TRAPPC10: variants seen among roughly 807,000 people sequenced by gnomAD.
TRAPPC10 encodes TRAPP 130 kDa subunit.
TRAPPC10 carries 23 observed loss-of-function variants against 125.5 expected under a neutral mutation model. The ratio of observed to expected loss-of-function variants is 0.18; its 90% confidence interval spans 0.13 to 0.26. TRAPPC10 has a LOEUF of 0.26. Ranked by LOEUF, TRAPPC10 falls within the 10% of genes least tolerant of loss-of-function variation. The pLI is 1.00. For missense variants in TRAPPC10, 1,123 were observed against 1,308.4 expected, an observed-to-expected ratio of 0.86 and a Z score of 2.19; for synonymous variants, 509 against 518.0, an observed-to-expected ratio of 0.98 and a Z score of 0.24.
intron 15 of TRAPPC10, among the ~76,000 whole-genome samples, chr21:44,085,526 T>TA (rs1569214462): frequency 6.6e-6 from 1 of 151,594 alleles, no homozygotes; most frequent in African/African-American, 2.4e-5. Context: ...CTCTGCAAAA[T>TA]AAAAAAATGA....
intron 20 of TRAPPC10, among the ~76,000 whole-genome samples, chr21:44,095,946 T>A (rs2038904438): frequency 7.4e-6 from 1 of 135,100 alleles, no homozygotes; most frequent in Non-Finnish European, 1.6e-5. Context: ...GGTCATAGGG[T>A]AACTCTGTGG....
intron 1 of TRAPPC10, among the ~76,000 whole-genome samples, chr21:44,022,415 C>G (rs2032617301): frequency 6.8e-6 from 1 of 146,912 alleles, no homozygotes; most frequent in Non-Finnish European, 1.5e-5. Flanking sequence ...TCCCGAGTAG[C>G]TGGGATTACA....
chr21:44,061,223 G>A (rs1031582349), intron 6 of TRAPPC10, among the ~76,000 whole-genome samples: 2 of 152,066 alleles, frequency 1.3e-5, no homozygotes, highest in Non-Finnish European at 2.9e-5. Context: ...TGCAACCTCC[G>A]CCTCCCGGGT....
At chr21:44,038,085 G>A (rs1349554030) in intron 3 of TRAPPC10, among the ~76,000 whole-genome samples, 158 bp downstream of exon 3, 1 of 152,092 alleles carries the variant, frequency 6.6e-6, no homozygotes, top group African/African-American at 2.4e-5. Context: ...AAGAGGACGC[G>A]CGGTGGGATG....
chr21:44,017,042 A>G (rs975332571), intron 1 of TRAPPC10, among the ~76,000 whole-genome samples: 2 of 152,234 alleles, frequency 1.3e-5, no homozygotes, highest in Admixed American at 6.5e-5. Context: ...TAGTTTTACT[A>G]CCAGAAAAGT....
chr21:44,081,017 CTTTTTTTTT>C (rs67865929), intron 13 of TRAPPC10, among the ~76,000 whole-genome samples: 6 of 97,196 alleles, frequency 6.2e-5, no homozygotes, highest in Admixed American at 1.1e-4. Context: ...TTTTTTTTTT[CTTTTTTTTT>C]TTTTTTTTTT....
At chr21:44,055,677 A>G in intron 4 of TRAPPC10, 21 bp from the exon 5 acceptor site, 2 of 1,565,942 alleles carry the variant, frequency 1.3e-6, no homozygotes, top group South Asian at 1.2e-5. Context: ...TTTCCCAGAT[A>G]GTCTGTTCAT....
intron 1 of TRAPPC10, among the ~76,000 whole-genome samples, chr21:44,013,657 C>T (rs568966375): frequency 6.6e-6 from 1 of 152,310 alleles, no homozygotes; most frequent in African/African-American, 2.4e-5. Flanking sequence ...TTTGTTGCTT[C>T]AGCTTTAGGT....
intron 1 of TRAPPC10, among the ~76,000 whole-genome samples, chr21:44,021,367 C>T (rs1256394857): frequency 6.6e-6 from 1 of 151,706 alleles, no homozygotes; most frequent in Non-Finnish European, 1.5e-5. Context: ...AGACAATAGA[C>T]AAATAATGTT....
intron 5 of TRAPPC10, among the ~76,000 whole-genome samples, chr21:44,057,219 G>A (rs6518345): frequency 0.41 from 62,789 of 151,880 alleles, 15,555 homozygotes; most frequent in African/African-American, 0.7. Flanking sequence ...TTCCGTTTGG[G>A]AAGATGAGAA....
chr21:44,051,809 G>A (rs2035250949), intron 3 of TRAPPC10, among the ~76,000 whole-genome samples: 1 of 152,242 alleles, frequency 6.6e-6, no homozygotes, highest in Non-Finnish European at 1.5e-5. Flanking sequence ...CTGCCGGGAA[G>A]CTTGCCTGGG....
intron 1 of TRAPPC10, among the ~76,000 whole-genome samples, chr21:44,025,409 T>C (rs2032946195): frequency 1.3e-5 from 2 of 152,256 alleles, no homozygotes; most frequent in South Asian, 4.1e-4. Context: ...GTACTGTGGT[T>C]CAAACTGCTA....
At chr21:44,073,040 C>T (rs1007585705) in intron 7 of TRAPPC10, among the ~76,000 whole-genome samples, 1 of 152,332 alleles carries the variant, frequency 6.6e-6, no homozygotes, top group Admixed American at 6.5e-5. Flanking sequence ...TGTGCCTTCC[C>T]TCAGTGTGGT....
intron 17 of TRAPPC10, 131 bp from the exon 18 acceptor site, chr21:44,089,702 A>G: frequency 1.4e-6 from 1 of 690,482 alleles, no homozygotes; most frequent in South Asian, 1.5e-5. Context: ...TTCCTGGATA[A>G]TGAGTGGTTG....
Position 44,080,074 on chromosome 21 carries a change from A to G in TRAPPC10, c.1670A>G (p.Lys557Arg), listed in dbSNP as rs776419319. 9 of 1,614,042 alleles carry G rather than the reference A, an allele frequency of 5.6e-6. No individual in the cohort carries two copies. Among genetic ancestry groups the G allele is most frequent in the East Asian group, 2.2e-5 (1 of 44,900 alleles). ...SDHHLTEEER[K>R]HFCQEILDFA... is the part of the protein sequence containing the mutation. The stretch of plus-strand genomic sequence containing the variant: ...CACCACCTCACTGAAGAGGAGCGCA[A>G]GCACTTCTGCCAGGAGATACTTGAC... Residue 557 changes from lysine to arginine, a missense_variant, in exon 13 of 23, where the codon AAG becomes AGG. Coordinates refer to ENST00000291574, the MANE Select transcript of TRAPPC10 (RefSeq NM_003274.5).
intron 7 of TRAPPC10, among the ~76,000 whole-genome samples, chr21:44,066,517 T>G (rs1176915970): frequency 6.6e-6 from 1 of 152,126 alleles, no homozygotes; most frequent in African/African-American, 2.4e-5. Context: ...AGTATTTCCT[T>G]TTTTTTTCTG....
chr21:44,089,241 C>T (rs1342996407), intron 17 of TRAPPC10: 4 of 324,098 alleles, frequency 1.2e-5, no homozygotes, highest in East Asian at 8.5e-5. Context: ...GCGGCACGCA[C>T]GCTGTGTGCT....
chr21:44,016,552 T>C (rs1249651703), intron 1 of TRAPPC10, among the ~76,000 whole-genome samples: 2 of 152,234 alleles, frequency 1.3e-5, no homozygotes, highest in Non-Finnish European at 2.9e-5. Context: ...AGGTCTGATA[T>C]TAGAAACTTT....
intron 18 of TRAPPC10, 158 bp from the exon 19 acceptor site, chr21:44,091,765 G>T: frequency 7.1e-6 from 5 of 701,520 alleles, no homozygotes. Context: ...GGCACTTTTC[G>T]GTGTGAAATC....
Sources: gnomAD v4.1 joint callset for allele counts (sites outside exome capture counted in the v4.1 genomes callset) on GRCh38, gnomAD v4.1.1 for gene constraint, MANE v1.5 for transcripts, NCBI Gene and HGNC (gene_info 2026-07-23, HGNC 2026-07-21) for gene names.